Variants in CHEK2 observed in about 807,000 individuals in gnomAD.
CHEK2 encodes checkpoint kinase 2.
Under a neutral mutation model 69.1 loss-of-function variants are expected in CHEK2, and 71 were observed. The ratio of observed to expected loss-of-function variants is 1.03; its 90% CI spans 0.85 to 1.25. The LOEUF is 1.25. Among genes scored for constraint, CHEK2 ranks in the 50% most tolerant of loss-of-function variants. CHEK2 has a pLI of 0.00. For missense variants in CHEK2, 664 were observed against 649.6 expected (o/e 1.02, Z -0.24); for synonymous variants, 189 against 226.9 (o/e 0.83, Z 1.50).
chr22:28,728,285 T>G (rs1240894170), intron 2 of CHEK2, among the ~76,000 whole-genome samples: 1 of 152,028 alleles, frequency 6.6e-6, no homozygotes, highest in Admixed American at 6.6e-5. Flanking sequence ...GAAATAAAAA[T>G]GATTTAAAAA....
chr22:28,708,903 A>T (rs1406427666), intron 7 of CHEK2: 1 of 329,498 alleles, frequency 3.0e-6, no homozygotes, highest in African/African-American at 2.3e-5. Context: ...CAGTGAGCCG[A>T]GATTGCGCCA....
chr22:28,701,851 G>C (rs1443509063), intron 8 of CHEK2, among the ~76,000 whole-genome samples: 1 of 152,092 alleles, frequency 6.6e-6, no homozygotes, highest in African/African-American at 2.4e-5. Flanking sequence ...ATGGGGAATT[G>C]GTTCCAGGAG....
At position 28,734,093 on chromosome 22, in the gene CHEK2, A is replaced by G. The variant is rs144685590; in HGVS notation, c.319+310T>C. On this transcript the variant is annotated intron_variant, in intron 2 of 14. Transcript: ENST00000404276. ...GGCCTCTAATGGGCTGTGAGCCAGCACTTCATTTACATAGGATGTAAACAG... is the reference window on the plus strand; with the variant it reads ...GGCCTCTAATGGGCTGTGAGCCAGCGCTTCATTTACATAGGATGTAAACAG... 7.4e-3 allele frequency among the ~76,000 whole-genome samples: 1,131 copies of G among 152,272 alleles called. 16 individuals are homozygous for G. The highest frequency in any genetic ancestry group is 0.026 in the African/African-American group (1,090 of 41,562).
chr22:28,702,007 A>G (rs1043370390), intron 8 of CHEK2, among the ~76,000 whole-genome samples: 4 of 148,260 alleles, frequency 2.7e-5, no homozygotes, highest in Non-Finnish European at 4.4e-5. Context: ...GCTGGAGTGC[A>G]GTGGCACAAT....
At chr22:28,701,454 C>T (rs180770124) in intron 8 of CHEK2, among the ~76,000 whole-genome samples, 94 of 152,050 alleles carry the variant, frequency 6.2e-4, no homozygotes, top group African/African-American at 2.0e-3. Context: ...TCAAGGGATC[C>T]GCCCACCTCA....
intron 7 of CHEK2, among the ~76,000 whole-genome samples, chr22:28,707,647 T>C (rs1180422074): frequency 6.6e-6 from 1 of 152,188 alleles, no homozygotes; most frequent in Non-Finnish European, 1.5e-5. Flanking sequence ...CAAAATGCAC[T>C]CATGGGCCCA....
chr22:28,704,189 G>A (rs1417747886), intron 7 of CHEK2, among the ~76,000 whole-genome samples: 1 of 150,932 alleles, frequency 6.6e-6, no homozygotes, highest in Non-Finnish European at 1.5e-5. Context: ...CATGACCACT[G>A]ATCAATGCAG....
rs773890954 is a variant in CHEK2, at chr22:28,725,383, A to G, written c.320-16T>C. 1.9e-6 allele frequency: 3 copies of G among 1,613,998 alleles called. No homozygotes were observed. In the East Asian group the frequency reaches 6.7e-5, roughly 36 times the overall value. The stretch of plus-strand genomic sequence containing the variant: ...TTCACACATTCTGTAATATAAAAGC[A>G]TGCATCAGAGGGCTGTTGAATTTCA... On this transcript the variant is annotated splice_polypyrimidine_tract_variant and intron_variant, in intron 2 of 14. Transcript: ENST00000404276.
chr22:28,709,970 G>A (rs1199717200), intron 7 of CHEK2, 36 bp downstream of exon 7: 1 of 1,165,288 alleles, frequency 8.6e-7, no homozygotes, highest in South Asian at 1.3e-5. Context: ...TTTTGAGATA[G>A]ATAAATCTAA....
At chr22:28,710,244 T>G (rs1179989673) in intron 6 of CHEK2, among the ~76,000 whole-genome samples, 185 bp from the exon 7 acceptor site, 3 of 152,168 alleles carry the variant, frequency 2.0e-5, no homozygotes, top group Non-Finnish European at 4.4e-5. Context: ...TGTAAAATGC[T>G]TGGCAAATAG....
intron 13 of CHEK2, chr22:28,689,546 G>C: frequency 2.7e-6 from 1 of 374,042 alleles, no homozygotes; most frequent in Non-Finnish European, 5.2e-6. Context: ...GAGGCCAGAG[G>C]CTGGGCCTGA....
At chr22:28,726,413 T>C (rs1405957213) in intron 2 of CHEK2, 1 of 147,184 alleles carries the variant, frequency 6.8e-6, no homozygotes, top group African/African-American at 2.5e-5. Flanking sequence ...ATATATTTAT[T>C]TTATATTTAT....
rs976893517 is a variant in CHEK2 at position 28,722,808 on chromosome 22, C to A, written c.592+2169G>T. On this transcript the variant is annotated intron_variant, in intron 4 of 14. Coordinates refer to ENST00000404276, the MANE Select transcript of CHEK2 (RefSeq NM_007194.4). ...CATAGCTCACTGTAGCCTTAAAATC[C>A]TGGGCTCAAGGGATCCTCTAGCCTC... 6.6e-5 allele frequency among the ~76,000 whole-genome samples: 10 copies of A among 152,072 alleles called. No homozygotes were observed. The East Asian group carries it at 1.3e-3, about 20-fold the overall frequency.
intron 8 of CHEK2, among the ~76,000 whole-genome samples, chr22:28,700,491 C>T (rs2052798412): frequency 6.6e-6 from 1 of 152,090 alleles, no homozygotes; most frequent in Non-Finnish European, 1.5e-5. Context: ...GCTGGGATTA[C>T]AGGCATAAGC....
rs587780177 is a variant in CHEK2 at position 28,694,045 on chromosome 22, T to C, written c.1448A>G (p.His483Arg). 8.8e-6 allele frequency: 14 copies of C among 1,594,898 alleles called. No homozygotes were observed. Among genetic ancestry groups the C allele is most frequent in the Non-Finnish European group, 9.3e-6 (11 of 1,178,598 alleles). Reference protein sequence around the residue: ...ARFTTEEALRHPWLQDEDMKR... With the variant: ...ARFTTEEALRRPWLQDEDMKR... The stretch of plus-strand genomic sequence containing the variant: ...TCCCACACCCACCTGAAGCCACGGG[T>C]GTCTTAAGGCTTCTTCTGTCGTAAA... Residue 483 changes from histidine to arginine, a missense_variant, in exon 13 of 15, where the codon CAC becomes CGC. His to Arg is a conservative substitution (Grantham distance 29). Transcript: ENST00000404276.
At position 28,712,856 on chromosome 22, in the gene CHEK2, T is replaced by G. The variant is rs373133759; in HGVS notation, c.684-839A>C. Among the ~76,000 whole-genome samples, 31 of 152,302 alleles carry G rather than the reference T, an allele frequency of 2.0e-4. No homozygotes were observed. The East Asian group carries it at 5.8e-3, about 28-fold the overall frequency. On this transcript the variant is annotated intron_variant, in intron 5 of 14. Coordinates refer to ENST00000404276, the MANE Select transcript of CHEK2 (RefSeq NM_007194.4). The stretch of plus-strand genomic sequence containing the variant: ...CTGTAATCATTTTAAAGTGTACAAT[T>G]CAGTAGCATTAAGTACATTTGCCAA...
In CHEK2 at chr22:28,725,088, C is replaced by T. The variant is rs1555926951; in HGVS notation, c.481G>A (p.Glu161Lys). ...AAGGTTCCATTGCCACTGTGATCTT[C>T]TATGTATGCAATGTAAGAGTTTTTA... ...GPKNSYIAYI[E>K]DHSGNGTFVN... is the part of the protein sequence containing the mutation. Residue 161 changes from glutamate to lysine, a missense_variant, in exon 4 of 15, where the codon GAA becomes AAA. Transcript: ENST00000404276. The T allele has an allele frequency of 6.2e-7, 1 of 1,614,074 alleles. No homozygotes were observed. Among genetic ancestry groups the T allele is most frequent in the South Asian group, 1.1e-5 (1 of 91,076 alleles).
At position 28,695,166 on chromosome 22, in the gene CHEK2, T is replaced by C. The variant is rs121908705; in HGVS notation, c.1336A>G (p.Asn446Asp). The C allele has an allele frequency of 5.0e-5, 80 of 1,613,372 alleles. No homozygotes were observed. Among genetic ancestry groups the C allele is most frequent in the South Asian group, 2.9e-4 (26 of 91,058 alleles). ...LKDQITSGKY[N>D]FIPEVWAEVS... ...TCTGCCCAGACTTCAGGAATGAAGT[T>C]GTATTTTCCACTGGTGATCTGATCC... The change falls in exon 12 of 15, where the codon AAC becomes GAC. Residue 446 changes from asparagine to aspartate, a missense_variant. By Grantham distance (23) the Asn-to-Asp change is conservative. Coordinates refer to ENST00000404276, the MANE Select transcript of CHEK2 (RefSeq NM_007194.4).
chr22:28,730,245 A>AGAGGAGGGGAGGGGAGGGGAGGG (rs2054160411), intron 2 of CHEK2, among the ~76,000 whole-genome samples: 1 of 450 alleles, frequency 2.2e-3, no homozygotes, highest in East Asian at 0.056. Flanking sequence ...AGAAAAGAGG[A>AGAGGAGGGGAGGGGAGGGGAGGG]GAGGAGAGGA....
Sources: gnomAD v4.1 joint callset for allele counts (sites outside exome capture counted in the v4.1 genomes callset) on GRCh38, gnomAD v4.1.1 for gene constraint, MANE v1.5 for transcripts, NCBI Gene and HGNC (gene_info 2026-07-23, HGNC 2026-07-21) for gene names.